RAB40B: variants seen among roughly 807,000 people sequenced by gnomAD.
The protein encoded by RAB40B is ras-related protein Rab-40B.
In RAB40B, 21 loss-of-function variants were observed where a neutral mutation model predicts 24.0. That is an observed-to-expected ratio of 0.88 (90% CI 0.62 to 1.26). RAB40B has a LOEUF of 1.26. Among genes scored for constraint, RAB40B ranks in the 50% most tolerant of loss-of-function variants. RAB40B has a pLI of 0.00. For missense variants in RAB40B, 348 were observed against 390.5 expected, an observed-to-expected ratio of 0.89 and a Z score of 0.92; for synonymous variants, 167 against 169.8, an observed-to-expected ratio of 0.98 and a Z score of 0.13.
At chr17:82,690,409 C>G (rs61220947) in intron 1 of RAB40B, among the ~76,000 whole-genome samples, 3,249 of 119,806 alleles carry the variant, frequency 0.027, 157 homozygotes, top group African/African-American at 0.084. Flanking sequence ...CACATGTGTT[C>G]TCAGGGAGCA....
Position 82,656,875 on chromosome 17 carries a change from G to T in RAB40B, c.*988C>A, listed in dbSNP as rs192886667. 1 of 152,194 alleles carries T rather than the reference G, an allele frequency of 6.6e-6. No homozygotes were observed. Among genetic ancestry groups the T allele is most frequent in the African/African-American group, 2.4e-5 (1 of 41,408 alleles). The allele number at this position is 152,194 out of a possible 1,614,324, so 9.4% of individuals were successfully genotyped here. On this transcript the variant is annotated 3_prime_UTR_variant, in exon 6 of 6. Transcript: ENST00000571995. ...CTAAAAATACAAAAATTAGCCGGGC[G>T]TGGTGGTGCACCTCTGTAATCCCAG...
At chr17:82,668,547 A>AG (rs2046288139) in intron 1 of RAB40B, among the ~76,000 whole-genome samples, 2 of 152,232 alleles carry the variant, frequency 1.3e-5, no homozygotes, top group Admixed American at 6.5e-5. Context: ...CCCAGTCCCG[A>AG]GGGGGCTGAG....
At chr17:82,671,656 C>T (rs1222034744) in intron 1 of RAB40B, among the ~76,000 whole-genome samples, 1 of 46,912 alleles carries the variant, frequency 2.1e-5, no homozygotes, top group Admixed American at 2.2e-4. Flanking sequence ...CACTCACACC[C>T]TGTACTCACT....
chr17:82,670,178 C>CTTTT (rs71168131), intron 1 of RAB40B, among the ~76,000 whole-genome samples: 33 of 81,306 alleles, frequency 4.1e-4, no homozygotes, highest in South Asian at 6.0e-4. Flanking sequence ...GGCCAACAAT[C>CTTTT]TTTTTTTTTT....
At chr17:82,665,508 C>T (rs2046244394) in intron 1 of RAB40B, among the ~76,000 whole-genome samples, 1 of 152,144 alleles carries the variant, frequency 6.6e-6, no homozygotes, top group Non-Finnish European at 1.5e-5. Flanking sequence ...CCCGGCTCAG[C>T]CTCCCAAAGT....
chr17:82,691,623 A>C (rs1403109045), intron 1 of RAB40B, among the ~76,000 whole-genome samples: 6 of 152,326 alleles, frequency 3.9e-5, no homozygotes, highest in African/African-American at 1.4e-4. Flanking sequence ...CAGAGGTTGC[A>C]GTGAGCCGAT....
At chr17:82,674,870 G>C (rs1368140862) in intron 1 of RAB40B, among the ~76,000 whole-genome samples, 2 of 152,056 alleles carry the variant, frequency 1.3e-5, no homozygotes, top group Non-Finnish European at 2.9e-5. Context: ...GCAGGGAGTA[G>C]GCAGAGGAGA....
chr17:82,685,944 C>T (rs1162807702), intron 1 of RAB40B, among the ~76,000 whole-genome samples: 1 of 151,986 alleles, frequency 6.6e-6, no homozygotes, highest in African/African-American at 2.4e-5. Context: ...GCTGGGATTA[C>T]AGGTGCCCGC....
At position 82,655,207 on chromosome 17, in the gene RAB40B, G is replaced by C. The variant is rs1452302057; in HGVS notation, c.*2656C>G. The stretch of plus-strand genomic sequence containing the variant: ...TATTTATTTTCTCGTAGCTCTGGAA[G>C]CCGGAAGTCCAAAACCAATAACTTG... On this transcript the variant is annotated 3_prime_UTR_variant, in exon 6 of 6. Transcript: ENST00000571995. 3 of 152,076 alleles carry C rather than the reference G, an allele frequency of 2.0e-5. No homozygotes were observed. The highest frequency in any genetic ancestry group is 7.2e-5 in the African/African-American group (3 of 41,410). The allele number at this position is 152,076 out of a possible 1,614,324, so 9.4% of individuals were successfully genotyped here.
At chr17:82,689,213 T>C (rs571557388) in intron 1 of RAB40B, among the ~76,000 whole-genome samples, 1 of 152,376 alleles carries the variant, frequency 6.6e-6, no homozygotes, top group South Asian at 2.1e-4. Context: ...CCTGCACTCC[T>C]GGGGCAGGAG....
chr17:82,663,564 A>C lies in RAB40B; in HGVS notation c.203+932T>G, dbSNP rs1300512029. Among the ~76,000 whole-genome samples, 1 of 151,704 alleles carries C rather than the reference A, an allele frequency of 6.6e-6. No homozygotes were observed. The highest frequency in any genetic ancestry group is 2.4e-5 in the African/African-American group (1 of 41,264). On this transcript the variant is annotated intron_variant, in intron 2 of 5. Transcript: ENST00000571995. The surrounding 1 kb of genome is among the most constrained non-coding windows in gnomAD (Gnocchi z 6.2). ...GGAGAGGTGCCCCGGGCTTGCCCCA[A>C]GGTGAGGAGCTGGGGTTCTCACAGC...
In RAB40B at chr17:82,697,845, G is replaced by C. The variant is rs1335821149; in HGVS notation, c.142+610C>G. 6.6e-6 allele frequency among the ~76,000 whole-genome samples: 1 copy of C among 152,178 alleles called. No homozygotes were observed. The highest frequency in any genetic ancestry group is 2.4e-5 in the African/African-American group (1 of 41,452). The stretch of plus-strand genomic sequence containing the variant: ...CGCTCTCCGGCCGCTGTCGTGGGGG[G>C]TCCCCTCTTCCGCACGCGAGTCACC... On this transcript the variant is annotated intron_variant, in intron 1 of 5. Coordinates refer to ENST00000571995, the MANE Select transcript of RAB40B (RefSeq NM_006822.3). The surrounding 1 kb of genome is among the most constrained non-coding windows in gnomAD (Gnocchi z 4.9).
intron 1 of RAB40B, among the ~76,000 whole-genome samples, chr17:82,694,591 C>T (rs899833649): frequency 6.6e-6 from 1 of 151,294 alleles, no homozygotes; most frequent in African/African-American, 2.4e-5. Flanking sequence ...TCAAAGAGTA[C>T]GTTCATACTA....
intron 1 of RAB40B, among the ~76,000 whole-genome samples, chr17:82,693,640 C>T (rs2046580423): frequency 6.6e-6 from 1 of 152,150 alleles, no homozygotes; most frequent in Admixed American, 6.5e-5. Flanking sequence ...AAACCTGAAA[C>T]CACCCAAATG....
chr17:82,658,618 C>G lies in RAB40B; in HGVS notation c.438G>C (p.Glu146Asp), dbSNP rs767485614. 106 of 1,613,226 alleles carry G rather than the reference C, an allele frequency of 6.6e-5. No individual in the cohort carries two copies. The highest frequency in any genetic ancestry group is 8.8e-5 in the Non-Finnish European group (104 of 1,180,010). The change falls in exon 5 of 6, where the codon GAG (glutamate) becomes GAC (aspartate). Residue 146 changes from glutamate (E) to aspartate (D), a missense_variant. By Grantham distance (45) the Glu-to-Asp change is conservative (BLOSUM62 2). Transcript: ENST00000571995. ...CCTCAAAGAAGGTCACGCCCAGGCGCTCGGCGTAGGCCTGGGCCTGCTCCG... is the reference window on the plus strand; with the variant it reads ...CCTCAAAGAAGGTCACGCCCAGGCGGTCGGCGTAGGCCTGGGCCTGCTCCG... ...VPTEQAQAYA[E>D]RLGVTFFEVS...
intron 2 of RAB40B, chr17:82,662,026 A>C: frequency 1.0e-6 from 1 of 985,414 alleles, no homozygotes; most frequent in Non-Finnish European, 1.2e-6. Flanking sequence ...ACACACCTAC[A>C]TCAATGGGAG....
rs2046078487 is a variant in RAB40B at position 82,655,108 on chromosome 17, TAA to T, written c.*2753_*2754del. On this transcript the variant is annotated 3_prime_UTR_variant, in exon 6 of 6. Transcript: ENST00000571995. ...GCTGTAGCACTTTCTGCCGTGAGCG[TAA>T]CTCACTTCCTTGTAGGAGTTTCCTG... The T allele has an allele frequency of 1.3e-5, 2 of 152,212 alleles. No individual in the cohort carries two copies. The highest frequency in any genetic ancestry group is 4.8e-5 in the African/African-American group (2 of 41,448). The allele number at this position is 152,212 out of a possible 1,614,324, so 9.4% of individuals were successfully genotyped here.
Position 82,657,524 on chromosome 17 carries a change from A to G in RAB40B, c.*339T>C. 1 of 396,476 alleles carries G rather than the reference A, an allele frequency of 2.5e-6. No individual in the cohort carries two copies. Among genetic ancestry groups the G allele is most frequent in the Non-Finnish European group, 4.8e-6 (1 of 207,620 alleles). The allele number at this position is 396,476 out of a possible 1,614,324, so 24.6% of individuals were successfully genotyped here. A position where few individuals can be genotyped will look rare whatever the true frequency, so the allele number is the denominator to read the frequency against. On this transcript the variant is annotated 3_prime_UTR_variant, in exon 6 of 6. Transcript: ENST00000571995. The stretch of plus-strand genomic sequence containing the variant: ...AAATTCCATTGAATTTATACTAATC[A>G]CTCCAATATCACCGTTCTTACAAAA...
chr17:82,677,224 G>A (rs2046403642), intron 1 of RAB40B, among the ~76,000 whole-genome samples: 3 of 152,184 alleles, frequency 2.0e-5, no homozygotes, highest in Admixed American at 2.0e-4. Flanking sequence ...TAGGATTACA[G>A]GCGTGAGCCA....
Sources: allele counts gnomAD v4.1 joint callset (sites outside exome capture counted in the v4.1 genomes callset), GRCh38; gene constraint gnomAD v4.1.1; non-coding constraint Gnocchi (gnomAD v3.1); transcripts MANE v1.5; gene names NCBI Gene and HGNC (gene_info 2026-07-23, HGNC 2026-07-21).